The following ECT2 variants were observed in gnomAD, a reference collection of about 807,000 sequenced individuals.
The protein encoded by ECT2 is epithelial cell transforming 2.
In ECT2, 61 loss-of-function variants were observed where a neutral mutation model predicts 116.9. The ratio of observed to expected loss-of-function variants is 0.52; its 90% CI spans 0.42 to 0.65. The LOEUF (loss-of-function observed/expected upper bound fraction) is 0.65. Among genes scored for constraint, ECT2 ranks in the 30% least tolerant of loss-of-function variants. The pLI, the probability that ECT2 is intolerant of heterozygous loss-of-function variation, is 0.00. For synonymous variants in ECT2, 358 were observed against 346.4 expected, an observed-to-expected ratio of 1.03 and a Z score of -0.37; for missense variants, 937 against 1,078.7, an observed-to-expected ratio of 0.87 and a Z score of 1.84.
At chr3:172,801,305 C>CT (rs1437319300) in intron 18 of ECT2, among the ~76,000 whole-genome samples, 1 of 152,164 alleles carries the variant, frequency 6.6e-6, no homozygotes, top group Non-Finnish European at 1.5e-5. Flanking sequence ...ATGTCTTACT[C>CT]TTAAACTTTG....
rs575488669 is a variant in ECT2, at chr3:172,799,255, C to G, written c.1908-3361C>G. On this transcript the variant is annotated intron_variant, in intron 18 of 24. Transcript: ENST00000392692. ...GTTTCTAAAGCCCTATCAACGGAAA[C>G]TAGATAAATTTTAAGAAACAAGTCT... Among the ~76,000 whole-genome samples the G allele has an allele frequency of 8.3e-4, 127 of 152,202 alleles. 2 individuals are homozygous for G. The South Asian group carries it at 0.026, about 31-fold the overall frequency.
chr3:172,761,148 A>G (rs1718208499), intron 7 of ECT2, among the ~76,000 whole-genome samples: 1 of 152,186 alleles, frequency 6.6e-6, no homozygotes, highest in Admixed American at 6.5e-5. Context: ...TTATAGTTGA[A>G]TGTCTTAGCA....
downstream of ECT2, among the ~76,000 whole-genome samples, chr3:172,824,724 T>C (rs1251900361): frequency 6.6e-6 from 1 of 152,236 alleles, no homozygotes; most frequent in African/African-American, 2.4e-5. Context: ...AGTTCTTCAT[T>C]TCTTTTTACA....
At chr3:172,760,299 C>T in intron 7 of ECT2, 36 bp downstream of exon 7, 1 of 1,343,456 alleles carries the variant, frequency 7.4e-7, no homozygotes, top group Non-Finnish European at 1.1e-6. Context: ...TATTTCAATA[C>T]AGCATTATTT....
intron 12 of ECT2, among the ~76,000 whole-genome samples, chr3:172,767,891 C>G (rs1186567912): frequency 6.6e-6 from 1 of 151,988 alleles, no homozygotes; most frequent in Non-Finnish European, 1.5e-5. Flanking sequence ...ACCACCACGC[C>G]TAGCTAATTT....
At chr3:172,796,755 C>T (rs1407574874) in intron 18 of ECT2, among the ~76,000 whole-genome samples, 1 of 152,074 alleles carries the variant, frequency 6.6e-6, no homozygotes, top group African/African-American at 2.4e-5. Context: ...CAACCTCTGC[C>T]TCTCAGGTTC....
chr3:172,782,357 A>G, intron 15 of ECT2, 126 bp downstream of exon 15: 1 of 473,362 alleles, frequency 2.1e-6, no homozygotes, highest in South Asian at 4.9e-5. Context: ...TGTGTTTATA[A>G]AATACATTGG....
At chr3:172,780,806 A>C (rs948940460) in intron 14 of ECT2, among the ~76,000 whole-genome samples, 1 of 152,138 alleles carries the variant, frequency 6.6e-6, no homozygotes, top group Non-Finnish European at 1.5e-5. Context: ...ATGATTAATG[A>C]TAAGTGTCTT....
chr3:172,750,967 A>G (rs1244878598), intron 1 of ECT2, 110 bp downstream of exon 1: 1 of 152,212 alleles, frequency 6.6e-6, no homozygotes, highest in East Asian at 1.9e-4. Flanking sequence ...CGAATTCCGG[A>G]GCGCCCCAGC....
intron 24 of ECT2, chr3:172,818,482 GAAGCAGCTAAAATACCTTC>G: frequency 4.9e-6 from 5 of 1,016,314 alleles, no homozygotes; most frequent in Non-Finnish European, 6.1e-6. Context: ...GCATATGTAA[GAAGCAGCTAAAATACCTTC>G]AAGACATTAA....
chr3:172,806,448 C>T (rs145878540), intron 21 of ECT2, among the ~76,000 whole-genome samples: 2 of 152,218 alleles, frequency 1.3e-5, no homozygotes, highest in Middle Eastern at 3.4e-3. Context: ...TTTATACCTA[C>T]CTACAACAGT....
chr3:172,819,958 T>C lies in ECT2; in HGVS notation c.2656-190T>C, dbSNP rs866515140. The stretch of plus-strand genomic sequence containing the variant: ...CTATTTGGCTTTGTTCTCAGAATGC[T>C]ATAATAGTTTTCTTTTTTCTCCCTT... On this transcript the variant is annotated intron_variant, in intron 24 of 24. Transcript: ENST00000392692. Among the ~76,000 whole-genome samples, 2 of 152,108 alleles carry C rather than the reference T, an allele frequency of 1.3e-5. 1 individual carries two copies. The highest frequency in any genetic ancestry group is 4.1e-4 in the South Asian group (2 of 4,834).
At chr3:172,802,792 T>C in intron 19 of ECT2, 69 bp from the exon 20 acceptor site, 2 of 1,546,150 alleles carry the variant, frequency 1.3e-6, no homozygotes, top group Admixed American at 2.0e-5. Flanking sequence ...TACTTTCTTT[T>C]AAATTACAAC....
intron 24 of ECT2, chr3:172,818,443 A>C (rs1577055866): frequency 1.6e-6 from 1 of 611,484 alleles, no homozygotes; most frequent in African/African-American, 2.0e-5. Context: ...AAATTAATTT[A>C]TTTATGGTTA....
intron 11 of ECT2, 58 bp downstream of exon 11, chr3:172,763,030 C>T: frequency 6.4e-7 from 1 of 1,556,386 alleles, no homozygotes. Context: ...GAAAATAACA[C>T]TTTTCTGTCC....
chr3:172,763,086 A>G, intron 11 of ECT2, 114 bp downstream of exon 11: 1 of 1,041,766 alleles, frequency 9.6e-7, no homozygotes, highest in Non-Finnish European at 1.4e-6. Context: ...GATTAAAACA[A>G]TTGGGATATC....
chr3:172,800,204 G>A (rs554996132), intron 18 of ECT2, among the ~76,000 whole-genome samples: 48 of 152,266 alleles, frequency 3.2e-4, no homozygotes, highest in African/African-American at 8.4e-4. Context: ...AGGGACAGAG[G>A]GGAAAAACAC....
chr3:172,829,172 T>G, the ECT2 span: 2 of 481,576 alleles, frequency 4.2e-6, no homozygotes, highest in South Asian at 2.3e-5. Flanking sequence ...GTGGTCTGCA[T>G]TTTTTCAGTC....
chr3:172,761,774 A>G lies in ECT2; in HGVS notation c.758+91A>G, dbSNP rs1392885902. 7.3e-6 allele frequency: 6 copies of G among 818,880 alleles called. No homozygotes were observed. In the Admixed American group the frequency reaches 7.4e-5, roughly 10 times the overall value. The allele number at this position is 818,880 out of a possible 1,614,324, so 50.7% of individuals were successfully genotyped here. A position where few individuals can be genotyped will look rare whatever the true frequency, so the allele number is the denominator to read the frequency against. On this transcript the variant is annotated intron_variant, in intron 8 of 24. Coordinates refer to ENST00000392692, the MANE Select transcript of ECT2 (RefSeq NM_001258315.2). ...TGTGCTGAAAAAAGTAATTTCATAG[A>G]TATAAAAACTGAATTCAGTCTGAGT...
Sources: gnomAD v4.1 joint callset for allele counts (sites outside exome capture counted in the v4.1 genomes callset) on GRCh38, gnomAD v4.1.1 for gene constraint, MANE v1.5 for transcripts, NCBI Gene and HGNC (gene_info 2026-07-23, HGNC 2026-07-21) for gene names.